ITGBL1: variants seen among roughly 807,000 people sequenced by gnomAD.
ITGBL1 encodes the protein integrin subunit beta like 1, also known as integrin beta-like protein 1.
Under a neutral mutation model 68.5 loss-of-function variants are expected in ITGBL1, and 51 were observed. The ratio of observed to expected loss-of-function variants is 0.74; its 90% CI spans 0.59 to 0.94. The LOEUF (loss-of-function observed/expected upper bound fraction) is 0.94. ITGBL1 is among the 40% of genes least tolerant of loss of function. The pLI is 0.00. For missense variants in ITGBL1, 649 were observed against 647.4 expected, an observed-to-expected ratio of 1.00 and a Z score of -0.03; for synonymous variants, 209 against 227.3, an observed-to-expected ratio of 0.92 and a Z score of 0.72.
intron 2 of ITGBL1, among the ~76,000 whole-genome samples, chr13:101,559,409 A>T (rs1485575597): frequency 2.0e-5 from 3 of 152,208 alleles, no homozygotes. Flanking sequence ...TCATGACTAG[A>T]TTTCTGAATT....
At chr13:101,496,552 T>A (rs1468683042) in intron 2 of ITGBL1, among the ~76,000 whole-genome samples, 1 of 152,126 alleles carries the variant, frequency 6.6e-6, no homozygotes, top group African/African-American at 2.4e-5. Flanking sequence ...AGAGAAAAAA[T>A]CTATTTTTAA....
intron 7 of ITGBL1, among the ~76,000 whole-genome samples, chr13:101,674,308 C>T (rs181250426): frequency 1.3e-5 from 2 of 152,252 alleles, no homozygotes; most frequent in East Asian, 3.9e-4. Context: ...CTCATGTAAC[C>T]CTCCTCACTT....
chr13:101,641,507 T>C (rs1454733944), intron 7 of ITGBL1, among the ~76,000 whole-genome samples: 1 of 151,450 alleles, frequency 6.6e-6, no homozygotes, highest in Non-Finnish European at 1.5e-5. Context: ...TAACTTGTGT[T>C]TATGTGTCTT....
rs111299979 is a variant in ITGBL1 at position 101,714,766 on chromosome 13, T to C, written c.1393+215T>C. 3.4e-4 allele frequency: 183 copies of C among 536,062 alleles called. 2 individuals are homozygous for C. Among genetic ancestry groups the C allele is most frequent in the African/African-American group, 3.1e-3 (161 of 52,692 alleles). 33.2% of individuals were successfully genotyped at this position (536,062 alleles called of 1,614,324 possible). On this transcript the variant is annotated intron_variant, in intron 10 of 10. Transcript: ENST00000376180. ...GAATACAAGAGAATGAAGCTAAATT[T>C]TGTGATTATTTGGGATCCTTCCACA...
chr13:101,528,387 T>C (rs7336311), intron 2 of ITGBL1, among the ~76,000 whole-genome samples: 50,383 of 151,426 alleles, frequency 0.33, 8,821 homozygotes, highest in Non-Finnish European at 0.39. Flanking sequence ...TTTGTGTACA[T>C]TGTTGTTTAT....
chr13:101,698,818 A>C (rs964453609), intron 8 of ITGBL1, among the ~76,000 whole-genome samples: 2 of 152,128 alleles, frequency 1.3e-5, no homozygotes, highest in African/African-American at 4.8e-5. Flanking sequence ...TAAATCAGAG[A>C]CTTCCCTCCT....
intron 8 of ITGBL1, among the ~76,000 whole-genome samples, chr13:101,694,211 T>C (rs1420842579): frequency 6.6e-6 from 1 of 152,200 alleles, no homozygotes; most frequent in Non-Finnish European, 1.5e-5. Flanking sequence ...TTAAATCCTC[T>C]GTTCACTGGT....
intron 7 of ITGBL1, among the ~76,000 whole-genome samples, chr13:101,647,781 A>T (rs1436959287): frequency 6.6e-6 from 1 of 152,166 alleles, no homozygotes; most frequent in African/African-American, 2.4e-5. Flanking sequence ...GAGACAAAGG[A>T]GGTGCGAAAA....
At chr13:101,605,080 A>C in intron 7 of ITGBL1, among the ~76,000 whole-genome samples, 1 of 146,088 alleles carries the variant, frequency 6.8e-6, no homozygotes, top group Admixed American at 6.9e-5. Flanking sequence ...ATATACATAT[A>C]TGCGTATATG....
intron 2 of ITGBL1, among the ~76,000 whole-genome samples, chr13:101,500,071 C>T (rs1219594195): frequency 1.3e-5 from 2 of 152,280 alleles, no homozygotes; most frequent in Non-Finnish European, 2.9e-5. Flanking sequence ...ACTGGCCACT[C>T]GACCCTTGCA....
chr13:101,466,296 C>T (rs1419478121), intron 2 of ITGBL1, among the ~76,000 whole-genome samples: 4 of 152,214 alleles, frequency 2.6e-5, no homozygotes, highest in African/African-American at 9.6e-5. Context: ...TATACCACCA[C>T]TTGGTGAATC....
At chr13:101,539,687 A>G (rs1433454418) in intron 2 of ITGBL1, among the ~76,000 whole-genome samples, 2 of 151,320 alleles carry the variant, frequency 1.3e-5, no homozygotes, top group South Asian at 2.1e-4. Flanking sequence ...AAGTGTTCCT[A>G]TTTCTCCACA....
chr13:101,628,599 A>ATT (rs34600896), intron 7 of ITGBL1, among the ~76,000 whole-genome samples: 3,019 of 140,680 alleles, frequency 0.021, 85 homozygotes, highest in African/African-American at 0.065. Context: ...TACCCAGCTA[A>ATT]TTTTTTTTTT....
At chr13:101,482,519 A>G (rs571889216) in intron 2 of ITGBL1, among the ~76,000 whole-genome samples, 1 of 152,272 alleles carries the variant, frequency 6.6e-6, no homozygotes, top group East Asian at 1.9e-4. Flanking sequence ...TGTACCTATG[A>G]CATTTGATTA....
At chr13:101,667,480 G>GA (rs201436078) in intron 7 of ITGBL1, among the ~76,000 whole-genome samples, 73 of 139,788 alleles carry the variant, frequency 5.2e-4, no homozygotes, top group South Asian at 3.2e-3. Flanking sequence ...TTAACACTGA[G>GA]AAAAAAAAAA....
At chr13:101,644,339 A>AT (rs1566772541) in intron 7 of ITGBL1, among the ~76,000 whole-genome samples, 1 of 152,154 alleles carries the variant, frequency 6.6e-6, no homozygotes, top group African/African-American at 2.4e-5. Flanking sequence ...TTTTCATTGC[A>AT]TTTGGAATCT....
At chr13:101,715,427 ACAT>A in intron 10 of ITGBL1, 133 bp from the exon 11 acceptor site, 1 of 695,426 alleles carries the variant, frequency 1.4e-6, no homozygotes, top group South Asian at 1.7e-5. Context: ...TGTAATAATA[ACAT>A]CATTGCACAA....
downstream of ITGBL1, chr13:101,717,363 G>A (rs1437150799): frequency 6.6e-6 from 1 of 151,996 alleles, no homozygotes; most frequent in Non-Finnish European, 1.5e-5. Context: ...TTCTATTATT[G>A]AGTACGTAAA....
At chr13:101,611,044 G>A (rs1021594043) in intron 7 of ITGBL1, among the ~76,000 whole-genome samples, 9 of 152,162 alleles carry the variant, frequency 5.9e-5, no homozygotes, top group Non-Finnish European at 8.8e-5. Context: ...ATACTCACTT[G>A]TGATGATTTA....
Sources: gnomAD v4.1 joint callset for allele counts (sites outside exome capture counted in the v4.1 genomes callset) on GRCh38, gnomAD v4.1.1 for gene constraint, MANE v1.5 for transcripts, NCBI Gene and HGNC (gene_info 2026-07-23, HGNC 2026-07-21) for gene names.